Variants in KIF21B observed in about 807,000 individuals in gnomAD.
KIF21B encodes the protein kinesin-like protein KIF21B.
KIF21B carries 85 observed loss-of-function variants against 192.9 expected under a neutral mutation model. That is an observed-to-expected ratio of 0.44 (90% confidence interval 0.37 to 0.53). The LOEUF is 0.53. KIF21B is among the 20% of genes least tolerant of loss of function. KIF21B has a pLI of 0.00. For synonymous variants in KIF21B, 832 were observed against 884.6 expected, an observed-to-expected ratio of 0.94 and a Z score of 1.05; for missense variants, 1,716 against 2,194.8, an observed-to-expected ratio of 0.78 and a Z score of 4.36.
At chr1:201,001,898 G>A in intron 9 of KIF21B, 1 of 506,000 alleles carries the variant, frequency 2.0e-6, no homozygotes, top group South Asian at 2.4e-5. Context: ...AGAGGGCTTG[G>A]GGTGGAGGGT....
At position 200,988,295 on chromosome 1, in the gene KIF21B, C is replaced by T. The variant is rs1558005870; in HGVS notation, c.3408+1G>A. 1 of 1,613,674 alleles carries T rather than the reference C, an allele frequency of 6.2e-7. No homozygotes were observed. Among genetic ancestry groups the T allele is most frequent in the Admixed American group, 1.7e-5 (1 of 59,990 alleles). ...ACTGCCTGACTTCCGGCGGGGCTCA[C>T]CTTGAACTTGAAATCGTCATGGCTG... On this transcript the variant is annotated splice_donor_variant, in intron 24 of 34. Transcript: ENST00000461742. LOFTEE classifies it high-confidence loss of function.
chr1:201,002,712 C>A (rs1657567765), intron 8 of KIF21B: 1 of 229,308 alleles, frequency 4.4e-6, no homozygotes, highest in Non-Finnish European at 8.8e-6. Context: ...GGTTGTAAGA[C>A]AATAGGGAGT....
rs760306875 is a variant in KIF21B at position 200,981,026 on chromosome 1, C to T, written c.3913G>A (p.Glu1305Lys). Reference protein sequence around the residue: ...TAPLQCVSMAEGHTKPILCLD... With the variant: ...TAPLQCVSMAKGHTKPILCLD... Reference sequence around the variant, plus strand: ...CAGAGGATGGGCTTGGTGTGGCCTTCGGCCATGGAGACACACTGCAGTGGG... The same window carrying T: ...CAGAGGATGGGCTTGGTGTGGCCTTTGGCCATGGAGACACACTGCAGTGGG... The change falls in exon 29 of 35, where the codon GAA (glutamate) becomes AAA (lysine). Residue 1305 changes from glutamate to lysine, a missense_variant. By Grantham distance (56) the Glu-to-Lys change is moderately conservative. Transcript: ENST00000461742. The T allele has an allele frequency of 9.3e-6, 15 of 1,610,400 alleles. No homozygotes were observed. Among genetic ancestry groups the T allele is most frequent in the Admixed American group, 8.4e-5 (5 of 59,290 alleles).
rs1309801927 is a variant in KIF21B, at chr1:200,999,492, G to A, written c.1768-26C>T. ...CTGGGCACCAGGCACCATTGGGGTGGGCCTGGCCTCAGAGAGGGGAGCCCA... is the reference window on the plus strand; with the variant it reads ...CTGGGCACCAGGCACCATTGGGGTGAGCCTGGCCTCAGAGAGGGGAGCCCA... On this transcript the variant is annotated intron_variant, in intron 12 of 34. Coordinates refer to ENST00000461742, the MANE Select transcript of KIF21B (RefSeq NM_001252102.2). The surrounding 1 kb of genome is among the most constrained non-coding windows in gnomAD (Gnocchi z 4.7). The A allele has an allele frequency of 6.2e-7, 1 of 1,609,248 alleles. No homozygotes were observed. The highest frequency in any genetic ancestry group is 1.7e-5 in the Admixed American group (1 of 59,756).
At chr1:200,986,588 G>A (rs1656319202) in intron 26 of KIF21B, among the ~76,000 whole-genome samples, 1 of 152,020 alleles carries the variant, frequency 6.6e-6, no homozygotes, top group Admixed American at 6.6e-5. Flanking sequence ...AAACTCCTGG[G>A]CTCAAGTGAT....
Position 200,975,962 on chromosome 1 carries a change from A to AC in KIF21B, c.4444-294dup, listed in dbSNP as rs1655524874. On this transcript the variant is annotated intron_variant, in intron 32 of 34. Coordinates refer to ENST00000461742, the MANE Select transcript of KIF21B (RefSeq NM_001252102.2). This position sits in a 1 kb window ranked among gnomAD's most constrained non-coding sequence, Gnocchi z 4.3. ...GGGTGAATCAGCTCATCACGCCGAGACCCCACAGCTCAACAGGCAGCTGCT... is the reference window on the plus strand; with the variant it reads ...GGGTGAATCAGCTCATCACGCCGAGACCCCCACAGCTCAACAGGCAGCTGCT... Among the ~76,000 whole-genome samples, 1 of 151,930 alleles carries AC rather than the reference A, an allele frequency of 6.6e-6. No individual in the cohort carries two copies. The highest frequency in any genetic ancestry group is 2.4e-5 in the African/African-American group (1 of 41,346).
intron 9 of KIF21B, chr1:201,001,677 T>G: frequency 6.4e-6 from 1 of 156,308 alleles, no homozygotes; most frequent in Non-Finnish European, 1.4e-5. Flanking sequence ...CAGAAGTAGG[T>G]TTAATATGGA....
At chr1:200,974,633 G>T in intron 34 of KIF21B, 81 bp downstream of exon 34, 1 of 1,455,680 alleles carries the variant, frequency 6.9e-7, no homozygotes, top group Non-Finnish European at 9.5e-7. Context: ...CAACTGCAGG[G>T]CCCTGAGCCT....
At chr1:201,020,642 C>T (rs1658763350) in intron 1 of KIF21B, among the ~76,000 whole-genome samples, 1 of 152,158 alleles carries the variant, frequency 6.6e-6, no homozygotes, top group South Asian at 2.1e-4. Context: ...CCCTGAGCCC[C>T]AGGTCCTGAA....
intron 15 of KIF21B, among the ~76,000 whole-genome samples, chr1:200,995,408 G>A (rs183377020): frequency 6.6e-6 from 1 of 152,336 alleles, no homozygotes; most frequent in East Asian, 1.9e-4. Context: ...AGGTCCAAGG[G>A]GAGGGAGGAC....
chr1:200,998,660 C>A lies in KIF21B; in HGVS notation c.1886-85G>T. 7.7e-7 allele frequency: 1 copy of A among 1,293,360 alleles called. No homozygotes were observed. The highest frequency in any genetic ancestry group is 1.3e-5 in the South Asian group (1 of 77,438). 80.1% of individuals were successfully genotyped at this position (1,293,360 alleles called of 1,614,324 possible). A position where few individuals can be genotyped will look rare whatever the true frequency, so the allele number is the denominator to read the frequency against. Reference sequence around the variant, plus strand: ...ATGTGCCAGTGCTGGGGAGCTGGGACCCTCCTTTGGTCAGCCATGACCAAT... The same window carrying A: ...ATGTGCCAGTGCTGGGGAGCTGGGAACCTCCTTTGGTCAGCCATGACCAAT... On this transcript the variant is annotated intron_variant, in intron 13 of 34. Transcript: ENST00000461742. This position sits in a 1 kb window ranked among gnomAD's most constrained non-coding sequence, Gnocchi z 4.3.
chr1:201,008,622 G>A, intron 3 of KIF21B, 147 bp downstream of exon 3: 1 of 779,442 alleles, frequency 1.3e-6, no homozygotes. Flanking sequence ...GCCCTTGCTT[G>A]GATTCTTTCA....
In KIF21B at chr1:200,986,988, A is replaced by T. The variant is rs1468748930; in HGVS notation, c.3614+8T>A. 1 of 1,613,860 alleles carries T rather than the reference A, an allele frequency of 6.2e-7. No homozygotes were observed. The highest frequency in any genetic ancestry group is 8.5e-7 in the Non-Finnish European group (1 of 1,179,864). On this transcript the variant is annotated splice_region_variant and intron_variant, in intron 25 of 34. Coordinates refer to ENST00000461742, the MANE Select transcript of KIF21B (RefSeq NM_001252102.2). ...CACTCCAACCCACATTCCTGCTCCC[A>T]TCCTTACAAAGTGCTGCCCCGGGTA...
intron 3 of KIF21B, among the ~76,000 whole-genome samples, chr1:201,007,483 G>GAC (rs1009612009): frequency 4.5e-5 from 5 of 111,442 alleles, no homozygotes; most frequent in Non-Finnish European, 7.5e-5. Flanking sequence ...GAGACACATA[G>GAC]ACACACACAC....
Position 200,991,066 on chromosome 1 carries a change from A to C in KIF21B, c.2538T>G (p.Ser846=). 1 of 1,614,106 alleles carries C rather than the reference A, an allele frequency of 6.2e-7. No homozygotes were observed. Among genetic ancestry groups the C allele is most frequent in the Non-Finnish European group, 8.5e-7 (1 of 1,180,036 alleles). ...RAGLKPPMLD[S]GAEVSASTTS... ...TAGTGCTGGCCGACACCTCAGCCCCAGAGTCCAGCATGGGTGGCTTTAGTC... is the reference window on the plus strand; with the variant it reads ...TAGTGCTGGCCGACACCTCAGCCCCCGAGTCCAGCATGGGTGGCTTTAGTC... Residue 846 remains serine, a synonymous_variant, in exon 18 of 35, where the codon TCT becomes TCG. Transcript: ENST00000461742.
chr1:200,976,694 A>T, intron 32 of KIF21B, 82 bp downstream of exon 32: 1 of 812,690 alleles, frequency 1.2e-6, no homozygotes, highest in Admixed American at 2.6e-5. Context: ...ATAATTTTTC[A>T]TGGGTACTCC....
chr1:200,974,979 C>A (rs1009031471), intron 33 of KIF21B, 66 bp from the exon 34 acceptor site: 6 of 1,519,666 alleles, frequency 3.9e-6, no homozygotes, highest in Non-Finnish European at 5.4e-6. Flanking sequence ...GCCCCAGGGC[C>A]CCTCTTGCTA....
intron 17 of KIF21B, 70 bp from the exon 18 acceptor site, chr1:200,991,219 T>C: frequency 7.7e-7 from 1 of 1,300,024 alleles, no homozygotes; most frequent in Admixed American, 2.0e-5. Flanking sequence ...AGGGCCCAGG[T>C]TGGGGTGCCG....
In KIF21B at chr1:201,009,496, T is replaced by A. The variant is rs574397921; in HGVS notation, c.42-8A>T. On this transcript the variant is annotated splice_polypyrimidine_tract_variant and splice_region_variant and intron_variant, in intron 1 of 34. Coordinates refer to ENST00000461742, the MANE Select transcript of KIF21B (RefSeq NM_001252102.2). ...GACAGCTGGGGCCGGATCCTGCCCA[T>A]GATGGAGAGAGCCCTGGGTCAGGCC... 6.2e-7 allele frequency: 1 copy of A among 1,612,518 alleles called. No individual in the cohort carries two copies. The highest frequency in any genetic ancestry group is 8.5e-7 in the Non-Finnish European group (1 of 1,179,284).
Sources: gnomAD v4.1 joint callset for allele counts (sites outside exome capture counted in the v4.1 genomes callset) on GRCh38, gnomAD v4.1.1 for gene constraint, Gnocchi (gnomAD v3.1) non-coding constraint, MANE v1.5 for transcripts, NCBI Gene and HGNC (gene_info 2026-07-23, HGNC 2026-07-21) for gene names.